Variants in NAALADL2 observed in about 807,000 individuals in gnomAD.
The protein encoded by NAALADL2 is inactive N-acetylated-alpha-linked acidic dipeptidase-like protein 2.
In NAALADL2, 76 loss-of-function variants were observed where a neutral mutation model predicts 87.2. The ratio of observed to expected loss-of-function variants is 0.87; its 90% CI spans 0.72 to 1.05. The LOEUF is 1.05. Among genes scored for constraint, NAALADL2 ranks in the 50% least tolerant of loss-of-function variants. The pLI, the probability that NAALADL2 is intolerant of heterozygous loss-of-function variation, is 0.00. For missense variants in NAALADL2, 1,089 were observed against 945.8 expected, an observed-to-expected ratio of 1.15 and a Z score of -1.99; for synonymous variants, 354 against 331.0, an observed-to-expected ratio of 1.07 and a Z score of -0.75.
At chr3:174,995,418 C>T (rs1747307236) in intron 1 of NAALADL2, among the ~76,000 whole-genome samples, 1 of 152,064 alleles carries the variant, frequency 6.6e-6, no homozygotes, top group Admixed American at 6.6e-5. Context: ...AAGAATTCAG[C>T]CTTTTTCTCT....
At chr3:174,767,033 G>C (rs1161785832) in intron 3 of NAALADL2, among the ~76,000 whole-genome samples, 1 of 152,190 alleles carries the variant, frequency 6.6e-6, no homozygotes, top group Non-Finnish European at 1.5e-5. Context: ...GCAGCCCTGG[G>C]TGGTAGCCCT....
chr3:174,592,569 A>G lies in NAALADL2; in HGVS notation c.-115+41932A>G, dbSNP rs190263528. Among the ~76,000 whole-genome samples the G allele has an allele frequency of 6.0e-3, 921 of 152,284 alleles. 12 individuals are homozygous for G. Among genetic ancestry groups the G allele is most frequent in the African/African-American group, 0.021 (885 of 41,578 alleles). The stretch of plus-strand genomic sequence containing the variant: ...AATCTTTTTCATCTTTAGATGATCA[A>G]TTAGATATTTAAAGTAAATACATTT... On this transcript the variant is annotated intron_variant, in intron 2 of 3. Transcript: ENST00000434257.
intron 1 of NAALADL2, among the ~76,000 whole-genome samples, chr3:175,057,872 A>G (rs1209290339): frequency 2.0e-5 from 3 of 152,182 alleles, no homozygotes; most frequent in Non-Finnish European, 1.5e-5. Flanking sequence ...TTGTTTGAGA[A>G]TCCTCTAACC....
chr3:175,703,423 G>A lies in NAALADL2; in HGVS notation c.1897-33883G>A, dbSNP rs115913108. 7.9e-3 allele frequency among the ~76,000 whole-genome samples: 1,202 copies of A among 152,204 alleles called. 21 individuals are homozygous for A. Among genetic ancestry groups the A allele is most frequent in the African/African-American group, 0.028 (1,167 of 41,528 alleles). On this transcript the variant is annotated intron_variant, in intron 11 of 13. Coordinates refer to ENST00000454872, the MANE Select transcript of NAALADL2 (RefSeq NM_207015.3). ...TACATGTACTATAATTAATGTTTTC[G>A]TTAAGTACCTTCGTTTCCTTAAAAC...
chr3:175,576,216 A>G (rs369597036), intron 10 of NAALADL2, 29 bp downstream of exon 10: 1 of 1,602,484 alleles, frequency 6.2e-7, no homozygotes, highest in African/African-American at 1.3e-5. Flanking sequence ...TGCAAAACAC[A>G]CACACACAAT....
At chr3:174,488,788 C>T (rs1403088754) in intron 1 of NAALADL2, among the ~76,000 whole-genome samples, 1 of 151,986 alleles carries the variant, frequency 6.6e-6, no homozygotes, top group Non-Finnish European at 1.5e-5. Context: ...AAGCGGTTCT[C>T]ATATCCTGCT....
chr3:175,130,176 T>A (rs1182187668), intron 2 of NAALADL2, among the ~76,000 whole-genome samples: 1 of 149,772 alleles, frequency 6.7e-6, no homozygotes, highest in Non-Finnish European at 1.5e-5. Flanking sequence ...TCATATCGGG[T>A]TGTATAAGTC....
At chr3:175,218,777 C>G (rs184845155) in intron 2 of NAALADL2, among the ~76,000 whole-genome samples, 1 of 151,826 alleles carries the variant, frequency 6.6e-6, no homozygotes, top group South Asian at 2.1e-4. Flanking sequence ...TCATCCTATT[C>G]ATTTCATTAT....
At chr3:175,085,314 G>A (rs1451201512) in intron 1 of NAALADL2, among the ~76,000 whole-genome samples, 1 of 152,124 alleles carries the variant, frequency 6.6e-6, no homozygotes, top group Non-Finnish European at 1.5e-5. Flanking sequence ...ATTGTGTGCT[G>A]TTTTTCCTGT....
chr3:175,559,857 T>C (rs1336401914), intron 9 of NAALADL2, among the ~76,000 whole-genome samples: 1 of 152,236 alleles, frequency 6.6e-6, no homozygotes, highest in Non-Finnish European at 1.5e-5. Context: ...TGTGGATTAT[T>C]GCATCAATAT....
chr3:175,694,793 A>C (rs1737521083), intron 11 of NAALADL2, among the ~76,000 whole-genome samples: 2 of 152,190 alleles, frequency 1.3e-5, no homozygotes, highest in African/African-American at 4.8e-5. Context: ...TAATAAAAGT[A>C]ATCCTCTTCA....
At chr3:174,565,403 T>A (rs1388662500) in intron 2 of NAALADL2, among the ~76,000 whole-genome samples, 1 of 152,038 alleles carries the variant, frequency 6.6e-6, no homozygotes, top group African/African-American at 2.4e-5. Context: ...TTCTAGAACA[T>A]CATGTAGTTG....
intron 5 of NAALADL2, among the ~76,000 whole-genome samples, chr3:175,349,226 T>C (rs908983815): frequency 1.9e-5 from 2 of 102,698 alleles, no homozygotes; most frequent in South Asian, 3.0e-4. Flanking sequence ...AAAAAAAAGA[T>C]GTCCAGTGTA....
At chr3:175,581,595 G>C (rs1223735792) in intron 10 of NAALADL2, among the ~76,000 whole-genome samples, 1 of 152,044 alleles carries the variant, frequency 6.6e-6, no homozygotes, top group African/African-American at 2.4e-5. Flanking sequence ...TTTTTCTTTG[G>C]AGCTACATTG....
Position 175,234,038 on chromosome 3 carries a change from CTG to C in NAALADL2, c.656_657del (p.Val219AlafsTer3), listed in dbSNP as rs1745423311. On this transcript the variant is annotated frameshift_variant, in exon 3 of 14. Transcript: ENST00000454872. LOFTEE classifies it high-confidence loss of function. Reference sequence around the variant, plus strand: ...GAAGATGTACAGTTTGTAAATTACTCTGTGCTGCTTGATCTGCCAGGCCCTTC... The same window carrying C: ...GAAGATGTACAGTTTGTAAATTACTCTGCTGCTTGATCTGCCAGGCCCTTC... 1 of 1,613,800 alleles carries C rather than the reference CTG, an allele frequency of 6.2e-7. No individual in the cohort carries two copies. Among genetic ancestry groups the C allele is most frequent in the Non-Finnish European group, 8.5e-7 (1 of 1,179,856 alleles).
chr3:175,410,698 C>T (rs1713343624), intron 5 of NAALADL2, among the ~76,000 whole-genome samples: 1 of 152,124 alleles, frequency 6.6e-6, no homozygotes, highest in South Asian at 2.1e-4. Flanking sequence ...CCAACCTAGA[C>T]TTTTATGGGA....
intron 1 of NAALADL2, among the ~76,000 whole-genome samples, chr3:174,953,330 C>G (rs1174176385): frequency 1.7e-4 from 18 of 103,686 alleles, no homozygotes; most frequent in African/African-American, 4.9e-4. Context: ...CCTCCCCTCC[C>G]CTCCCCTCCC....
At chr3:174,838,888 G>T (rs1723682823) in intron 3 of NAALADL2, among the ~76,000 whole-genome samples, 1 of 151,978 alleles carries the variant, frequency 6.6e-6, no homozygotes, top group Admixed American at 6.6e-5. Flanking sequence ...CTCATGGATG[G>T]GTAGAATCAT....
At chr3:175,694,229 A>T (rs1560986908) in intron 11 of NAALADL2, among the ~76,000 whole-genome samples, 2 of 152,192 alleles carry the variant, frequency 1.3e-5, no homozygotes, top group Admixed American at 6.6e-5. Context: ...AAAATAGGTG[A>T]AATTACCAAA....
Sources: gnomAD v4.1 joint callset for allele counts (sites outside exome capture counted in the v4.1 genomes callset) on GRCh38, gnomAD v4.1.1 for gene constraint, MANE v1.5 for transcripts, NCBI Gene and HGNC (gene_info 2026-07-23, HGNC 2026-07-21) for gene names.